Variants in MECOM observed in about 807,000 individuals in gnomAD.
The protein encoded by MECOM is histone-lysine N-methyltransferase MECOM.
In MECOM, 13 loss-of-function variants were observed where a neutral mutation model predicts 116.3. That is an observed-to-expected ratio of 0.11 (90% confidence interval 0.07 to 0.18). MECOM has a LOEUF of 0.18. Ranked by LOEUF, MECOM falls within the 10% of genes least tolerant of loss-of-function variation. The pLI is 1.00. For missense variants in MECOM, 1,299 were observed against 1,509.0 expected, an observed-to-expected ratio of 0.86 and a Z score of 2.31; for synonymous variants, 528 against 535.2, an observed-to-expected ratio of 0.99 and a Z score of 0.19.
At chr3:169,393,803 T>C (rs973428719) in intron 1 of MECOM, among the ~76,000 whole-genome samples, 14 of 152,088 alleles carry the variant, frequency 9.2e-5, no homozygotes, top group South Asian at 8.3e-4. Context: ...TGCTTAAACC[T>C]CAGGATAATC....
At chr3:169,541,255 G>A (rs1379105314) in intron 1 of MECOM, among the ~76,000 whole-genome samples, 1 of 152,200 alleles carries the variant, frequency 6.6e-6, no homozygotes, top group Non-Finnish European at 1.5e-5. Context: ...ACTTGATCAT[G>A]AAACACACAA....
At chr3:169,612,537 T>C (rs1488596426) in intron 1 of MECOM, among the ~76,000 whole-genome samples, 1 of 152,174 alleles carries the variant, frequency 6.6e-6, no homozygotes, top group Non-Finnish European at 1.5e-5. Flanking sequence ...TGTATGTTCC[T>C]GGTTCCTATA....
intron 1 of MECOM, among the ~76,000 whole-genome samples, chr3:169,567,970 C>T (rs763445233): frequency 9.9e-5 from 15 of 152,142 alleles, no homozygotes; most frequent in Admixed American, 2.6e-4. Context: ...CAGCTCCCAG[C>T]GAGATCAATG....
intron 1 of MECOM, among the ~76,000 whole-genome samples, chr3:169,649,688 T>C (rs1474401953): frequency 6.6e-6 from 1 of 152,200 alleles, no homozygotes; most frequent in African/African-American, 2.4e-5. Flanking sequence ...TAAAATATAC[T>C]TTGAAAAATG....
At chr3:169,243,988 G>T (rs1755227646) in intron 2 of MECOM, among the ~76,000 whole-genome samples, 1 of 152,148 alleles carries the variant, frequency 6.6e-6, no homozygotes, top group Admixed American at 6.5e-5. Flanking sequence ...TATTTACAAG[G>T]CTTCTGCAAA....
At chr3:169,145,590 T>C (rs557942290) in intron 2 of MECOM, 2 of 224,264 alleles carry the variant, frequency 8.9e-6, no homozygotes, top group Non-Finnish European at 1.8e-5. Context: ...CAAAGAAATA[T>C]TTAATAAAGG....
chr3:169,278,218 C>T (rs868769821), intron 2 of MECOM, among the ~76,000 whole-genome samples: 7 of 152,140 alleles, frequency 4.6e-5, no homozygotes, highest in Non-Finnish European at 1.5e-5. Flanking sequence ...CTTAAAAGGA[C>T]CACATTAGCC....
Position 169,443,864 on chromosome 3 carries a change from C to A in MECOM, c.38-62340G>T, listed in dbSNP as rs114574465. Among the ~76,000 whole-genome samples the A allele has an allele frequency of 7.3e-3, 1,109 of 152,274 alleles. 16 individuals carry two copies. The highest frequency in any genetic ancestry group is 0.026 in the African/African-American group (1,061 of 41,536). ...CAACTGCTTCAGTTCTCTCTGAGGA[C>A]AGAAGAGGACTCTCAGCACTAGACA... On this transcript the variant is annotated intron_variant, in intron 1 of 16. Transcript: ENST00000651503.
chr3:169,144,737 A>G (rs1739226816), intron 2 of MECOM, among the ~76,000 whole-genome samples: 1 of 152,208 alleles, frequency 6.6e-6, no homozygotes, highest in Non-Finnish European at 1.5e-5. Context: ...TAAAAGCTGT[A>G]GAGTTGTTGA....
intron 2 of MECOM, among the ~76,000 whole-genome samples, chr3:169,211,044 T>C (rs1750660278): frequency 6.6e-6 from 1 of 152,190 alleles, no homozygotes; most frequent in African/African-American, 2.4e-5. Context: ...GCAGTTTCAA[T>C]GTCCTGATTT....
intron 1 of MECOM, among the ~76,000 whole-genome samples, chr3:169,447,136 A>G (rs1384666205): frequency 2.0e-5 from 3 of 152,096 alleles, no homozygotes; most frequent in African/African-American, 7.2e-5. Context: ...TTGAGATGTA[A>G]AAGAAATTGC....
intron 2 of MECOM, among the ~76,000 whole-genome samples, chr3:169,278,577 G>T (rs1457262953): frequency 6.6e-6 from 1 of 152,152 alleles, no homozygotes; most frequent in South Asian, 2.1e-4. Context: ...GTTTCCAAAG[G>T]TTAGCTGGAA....
intron 1 of MECOM, among the ~76,000 whole-genome samples, chr3:169,572,779 G>A (rs796250853): frequency 2.0e-4 from 30 of 152,112 alleles, no homozygotes; most frequent in African/African-American, 7.0e-4. Context: ...GTTGAACAAT[G>A]AGAACACATG....
intron 1 of MECOM, among the ~76,000 whole-genome samples, chr3:169,622,651 TAA>T (rs1770895104): frequency 6.6e-6 from 1 of 152,242 alleles, no homozygotes; most frequent in African/African-American, 2.4e-5. Flanking sequence ...TCAGAATGCA[TAA>T]GTTAGCTAAT....
intron 1 of MECOM, among the ~76,000 whole-genome samples, chr3:169,486,073 C>A (rs534157679): frequency 6.1e-4 from 86 of 140,838 alleles, no homozygotes; most frequent in Admixed American, 2.3e-3. Context: ...AGAGACATCA[C>A]CAAGTTTGAT....
chr3:169,443,510 G>A (rs1041823862), intron 1 of MECOM, among the ~76,000 whole-genome samples: 4 of 152,098 alleles, frequency 2.6e-5, no homozygotes, highest in African/African-American at 7.2e-5. Context: ...AAGAAGCAGG[G>A]AAACAAAACA....
chr3:169,621,744 G>A (rs544762373), intron 1 of MECOM, among the ~76,000 whole-genome samples: 1 of 152,152 alleles, frequency 6.6e-6, no homozygotes, highest in Non-Finnish European at 1.5e-5. Flanking sequence ...GCAATAGAGT[G>A]AGACTCTGTC....
In MECOM at chr3:169,483,346, C is replaced by A. The variant is rs573624938; in HGVS notation, c.38-101822G>T. Among the ~76,000 whole-genome samples, 11 of 150,982 alleles carry A rather than the reference C, an allele frequency of 7.3e-5. No individual in the cohort carries two copies. In the East Asian group the frequency reaches 7.7e-4, roughly 11 times the overall value. ...GAATCATTGAGAAAAGCAACAGATA[C>A]AACTGACAGTCACACTTTTTAAAAT... On this transcript the variant is annotated intron_variant, in intron 1 of 16. Transcript: ENST00000651503.
At chr3:169,443,252 T>C (rs1744045071) in intron 1 of MECOM, among the ~76,000 whole-genome samples, 1 of 152,094 alleles carries the variant, frequency 6.6e-6, no homozygotes, top group South Asian at 2.1e-4. Context: ...AATGCCACCA[T>C]CAAAGATTCC....
Sources: allele counts gnomAD v4.1 joint callset (sites outside exome capture counted in the v4.1 genomes callset), GRCh38; gene constraint gnomAD v4.1.1; transcripts MANE v1.5; gene names NCBI Gene and HGNC (gene_info 2026-07-23, HGNC 2026-07-21).